CXADR: variants seen among roughly 807,000 people sequenced by gnomAD.
CXADR encodes coxsackievirus and adenovirus receptor.
In CXADR, 20 loss-of-function variants were observed where a neutral mutation model predicts 40.3. The ratio of observed to expected loss-of-function variants is 0.50; its 90% CI spans 0.35 to 0.72. The LOEUF is 0.72. CXADR is among the 30% of genes least tolerant of loss of function. The probability of loss-of-function intolerance (pLI) is 0.01; values close to 1 mark genes in which losing one functional copy is unlikely to be tolerated. For missense variants in CXADR, 332 were observed against 449.1 expected, an observed-to-expected ratio of 0.74 and a Z score of 2.36; for synonymous variants, 150 against 161.3, an observed-to-expected ratio of 0.93 and a Z score of 0.53.
chr21:17,621,350 G>C, the CXADR span, among the ~76,000 whole-genome samples: 2 of 152,180 alleles, frequency 1.3e-5, no homozygotes, highest in African/African-American at 4.8e-5. Context: ...TAGTGAGGAT[G>C]GGGTGGGGAC....
the CXADR span, among the ~76,000 whole-genome samples, chr21:17,616,335 CTTTT>C: frequency 3.3e-5 from 4 of 122,882 alleles, no homozygotes; most frequent in Admixed American, 8.7e-5. Flanking sequence ...ATACAAAAGT[CTTTT>C]TTTTTTTTTT....
At chr21:17,598,360 A>G (rs940913700), downstream of CXADR, among the ~76,000 whole-genome samples, 3 of 152,206 alleles carry the variant, frequency 2.0e-5, no homozygotes, top group Non-Finnish European at 4.4e-5. Flanking sequence ...TTTTACCATC[A>G]TGAATTTTCT....
downstream of CXADR, among the ~76,000 whole-genome samples, chr21:17,571,655 T>C (rs1371386706): frequency 6.6e-6 from 1 of 152,214 alleles, no homozygotes; most frequent in East Asian, 1.9e-4. Flanking sequence ...AGCTCAGTTT[T>C]TCTGCCGGTA....
intron 7 of CXADR, among the ~76,000 whole-genome samples, chr21:17,577,480 G>A (rs1458147880): frequency 6.6e-6 from 1 of 151,864 alleles, no homozygotes; most frequent in Non-Finnish European, 1.5e-5. Flanking sequence ...CATATGTAAT[G>A]TTGCATTCCT....
intron 3 of CXADR, 54 bp from the exon 4 acceptor site, chr21:17,558,922 A>G (rs2061070669): frequency 1.9e-6 from 3 of 1,546,492 alleles, no homozygotes; most frequent in East Asian, 2.3e-5. Context: ...TGCTGTATTC[A>G]TAAAAGTAAG....
chr21:17,527,509 G>T (rs74905091), intron 1 of CXADR, among the ~76,000 whole-genome samples: 2,659 of 152,298 alleles, frequency 0.017, 40 homozygotes, highest in Middle Eastern at 0.054. Flanking sequence ...TGTAATAGTT[G>T]CTTCAGGAGA....
chr21:17,522,671 A>G (rs975563635), intron 1 of CXADR, among the ~76,000 whole-genome samples: 5 of 152,166 alleles, frequency 3.3e-5, no homozygotes, highest in African/African-American at 1.2e-4. Flanking sequence ...AAATAGCTCT[A>G]TTGAACAGTT....
At chr21:17,559,524 C>T (rs779962669) in intron 4 of CXADR, among the ~76,000 whole-genome samples, 1 of 151,890 alleles carries the variant, frequency 6.6e-6, no homozygotes, top group Non-Finnish European at 1.5e-5. Context: ...TGCTTTCTTT[C>T]CCTTTTCTAC....
At chr21:17,529,298 T>C (rs1237527066) in intron 1 of CXADR, among the ~76,000 whole-genome samples, 6 of 151,956 alleles carry the variant, frequency 3.9e-5, no homozygotes, top group African/African-American at 1.2e-4. Context: ...TCCAAAGTGC[T>C]GGGATTACAG....
At chr21:17,580,038 G>T (rs959059182) in intron 7 of CXADR, among the ~76,000 whole-genome samples, 1 of 151,966 alleles carries the variant, frequency 6.6e-6, no homozygotes, top group African/African-American at 2.4e-5. Flanking sequence ...ATCTAAGCTG[G>T]TCTCAAACTC....
chr21:17,513,863 G>A (rs2060424641), intron 1 of CXADR, among the ~76,000 whole-genome samples: 1 of 152,200 alleles, frequency 6.6e-6, no homozygotes, highest in Non-Finnish European at 1.5e-5. Flanking sequence ...GAAGTGCAAA[G>A]GAGAATTCAG....
chr21:17,545,463 G>GTC (rs2060884318), intron 1 of CXADR, among the ~76,000 whole-genome samples: 2 of 151,944 alleles, frequency 1.3e-5, no homozygotes, highest in African/African-American at 2.4e-5. Context: ...GTCTTGCTTT[G>GTC]TCACCCAGGC....
At chr21:17,564,258 G>GC (rs1169275133) in intron 6 of CXADR, among the ~76,000 whole-genome samples, 1 of 150,874 alleles carries the variant, frequency 6.6e-6, no homozygotes, top group Non-Finnish European at 1.5e-5. Context: ...TTTGGGAGGC[G>GC]GAGATGGGAG....
chr21:17,538,242 C>T (rs1253555177), intron 1 of CXADR, among the ~76,000 whole-genome samples: 5 of 152,064 alleles, frequency 3.3e-5, no homozygotes, highest in Non-Finnish European at 5.9e-5. Flanking sequence ...CCTCGTGATC[C>T]GCCTGCCTTG....
chr21:17,546,975 G>A, intron 1 of CXADR, 52 bp from the exon 2 acceptor site: 17 of 1,596,372 alleles, frequency 1.1e-5, no homozygotes, highest in Non-Finnish European at 1.4e-5. Flanking sequence ...GGCACTGTGT[G>A]GGCTGTCAGC....
chr21:17,545,193 G>T (rs913983978), intron 1 of CXADR, among the ~76,000 whole-genome samples: 14 of 146,960 alleles, frequency 9.5e-5, no homozygotes, highest in Admixed American at 3.6e-4. Flanking sequence ...TCATCATCCA[G>T]CTCTGAAGGT....
rs2061122414 is a variant in CXADR, at chr21:17,561,570, T to TCTTATTTTTTC, written c.833+98_833+99insTTTTTTCCTTA. On this transcript the variant is annotated intron_variant, in intron 6 of 6. Transcript: ENST00000284878. ...TCTTATTAACCACCCAAAGCATCTT[T>TCTTATTTTTTC]CTTAGGAGAATGGGTAAAAGCTCTG... The TCTTATTTTTTC allele has an allele frequency of 5.4e-6, 6 of 1,103,160 alleles. No individual in the cohort carries two copies. The South Asian group carries it at 1.2e-4, about 22-fold the overall frequency. The allele number at this position is 1,103,160 out of a possible 1,614,324, so 68.3% of individuals were successfully genotyped here.
At chr21:17,614,558 C>T in the CXADR span, among the ~76,000 whole-genome samples, 4 of 152,098 alleles carry the variant, frequency 2.6e-5, no homozygotes, top group Non-Finnish European at 5.9e-5. Flanking sequence ...ACCTGGCCAA[C>T]ATCATGAAAC....
the CXADR span, among the ~76,000 whole-genome samples, chr21:17,611,404 A>G: frequency 1.3e-5 from 2 of 152,216 alleles, no homozygotes; most frequent in Non-Finnish European, 2.9e-5. Flanking sequence ...TCATATAAAA[A>G]AATAGAAAAG....
Sources: allele counts gnomAD v4.1 joint callset (sites outside exome capture counted in the v4.1 genomes callset), GRCh38; gene constraint gnomAD v4.1.1; transcripts MANE v1.5; gene names NCBI Gene and HGNC (gene_info 2026-07-23, HGNC 2026-07-21).